Variants in KCNIP4 observed in about 807,000 individuals in gnomAD.
KCNIP4 encodes Kv channel-interacting protein 4.
KCNIP4 carries 12 observed loss-of-function variants against 34.0 expected under a neutral mutation model. The observed-to-expected ratio is 0.35, with a 90% CI of 0.23 to 0.57. The LOEUF (loss-of-function observed/expected upper bound fraction) is 0.57, where lower values mean the gene tolerates loss of function less well. Ranked by LOEUF, KCNIP4 falls within the 20% of genes least tolerant of loss-of-function variation. The pLI is 0.83. For missense variants in KCNIP4, 238 were observed against 311.7 expected, an observed-to-expected ratio of 0.76 and a Z score of 1.78; for synonymous variants, 124 against 102.2, an observed-to-expected ratio of 1.21 and a Z score of -1.29.
At chr4:21,769,818 T>A (rs1451608505) in intron 1 of KCNIP4, among the ~76,000 whole-genome samples, 1 of 152,152 alleles carries the variant, frequency 6.6e-6, no homozygotes, top group East Asian at 1.9e-4. Context: ...TTATAAATTC[T>A]GTTCGTCAAT....
At chr4:21,702,517 A>T (rs142224941) in intron 1 of KCNIP4, among the ~76,000 whole-genome samples, 1,986 of 152,298 alleles carry the variant, frequency 0.013, 47 homozygotes, top group African/African-American at 0.045. Context: ...AAAATTCCTT[A>T]AAAAATACAA....
intron 1 of KCNIP4, among the ~76,000 whole-genome samples, chr4:21,790,681 C>T (rs1720219450): frequency 6.6e-6 from 1 of 151,976 alleles, no homozygotes; most frequent in South Asian, 2.1e-4. Flanking sequence ...TCATAAAGTA[C>T]CTTTGCAATT....
At chr4:21,927,273 G>T (rs970219786) in intron 1 of KCNIP4, among the ~76,000 whole-genome samples, 2 of 152,104 alleles carry the variant, frequency 1.3e-5, no homozygotes, top group African/African-American at 4.8e-5. Context: ...TCCTTAACTT[G>T]ATTATATCTG....
intron 1 of KCNIP4, among the ~76,000 whole-genome samples, chr4:21,629,769 G>A (rs115890534): frequency 0.035 from 5,353 of 151,348 alleles, 305 homozygotes; most frequent in African/African-American, 0.12. Flanking sequence ...CACAGTGTAC[G>A]CTCTATTCTT....
At chr4:20,800,420 A>G (rs1414916829) in intron 3 of KCNIP4, among the ~76,000 whole-genome samples, 1 of 152,264 alleles carries the variant, frequency 6.6e-6, no homozygotes, top group Non-Finnish European at 1.5e-5. Flanking sequence ...ATAATTCTCC[A>G]GTAACTGACC....
intron 1 of KCNIP4, chr4:20,984,189 T>C (rs1051791744): frequency 6.6e-6 from 3 of 451,616 alleles, no homozygotes; most frequent in African/African-American, 4.0e-5. Flanking sequence ...CTCCACTCTA[T>C]GCTGCAGCCA....
At chr4:21,624,745 G>C (rs143192044) in intron 1 of KCNIP4, among the ~76,000 whole-genome samples, 1 of 152,242 alleles carries the variant, frequency 6.6e-6, no homozygotes, top group African/African-American at 2.4e-5. Flanking sequence ...GTTTCAACAA[G>C]TGAAGAGAAA....
chr4:20,788,465 CAGA>C (rs1712295279), intron 3 of KCNIP4, among the ~76,000 whole-genome samples: 1 of 152,070 alleles, frequency 6.6e-6, no homozygotes, highest in African/African-American at 2.4e-5. Flanking sequence ...CAGTTCATGG[CAGA>C]AGAAGAGCAG....
chr4:21,072,373 T>G (rs1745030809), intron 1 of KCNIP4, among the ~76,000 whole-genome samples: 1 of 152,206 alleles, frequency 6.6e-6, no homozygotes, highest in Admixed American at 6.5e-5. Flanking sequence ...TGGTTTTGAT[T>G]TGCATTTCTC....
At chr4:20,794,191 T>C (rs1713148941) in intron 3 of KCNIP4, among the ~76,000 whole-genome samples, 1 of 152,196 alleles carries the variant, frequency 6.6e-6, no homozygotes, top group African/African-American at 2.4e-5. Context: ...TATATCTTTA[T>C]CAGCAATGTG....
At chr4:20,901,083 C>T (rs939134652) in intron 1 of KCNIP4, among the ~76,000 whole-genome samples, 1 of 152,122 alleles carries the variant, frequency 6.6e-6, no homozygotes, top group African/African-American at 2.4e-5. Flanking sequence ...AGACATTGAG[C>T]TGAAGAAGTT....
At chr4:21,191,241 G>C (rs900141041) in intron 1 of KCNIP4, among the ~76,000 whole-genome samples, 2 of 152,116 alleles carry the variant, frequency 1.3e-5, no homozygotes, top group Non-Finnish European at 2.9e-5. Flanking sequence ...AAAGAACCTT[G>C]TGTATTTGAT....
intron 3 of KCNIP4, among the ~76,000 whole-genome samples, chr4:20,823,314 A>G (rs1717337394): frequency 6.6e-6 from 1 of 152,166 alleles, no homozygotes; most frequent in Non-Finnish European, 1.5e-5. Flanking sequence ...AATGCAAATG[A>G]AATAAAATTT....
chr4:21,037,724 A>G (rs1424302046), intron 1 of KCNIP4, among the ~76,000 whole-genome samples: 1 of 152,248 alleles, frequency 6.6e-6, no homozygotes, highest in Non-Finnish European at 1.5e-5. Context: ...TAAACAGTAA[A>G]TCAATCAAAT....
intron 1 of KCNIP4, among the ~76,000 whole-genome samples, chr4:21,573,233 G>T (rs1221846895): frequency 6.6e-6 from 1 of 152,112 alleles, no homozygotes; most frequent in Non-Finnish European, 1.5e-5. Flanking sequence ...GTCAGGCACA[G>T]TACCAGGAAC....
rs1414624471 is a variant in KCNIP4, at chr4:21,049,243, C to T, written c.62-166534G>A. Among the ~76,000 whole-genome samples the T allele has an allele frequency of 3.3e-5, 5 of 152,218 alleles. No individual in the cohort carries two copies. In the East Asian group the frequency reaches 9.7e-4, roughly 29 times the overall value. On this transcript the variant is annotated intron_variant, in intron 1 of 8. Transcript: ENST00000382152. ...GGGATTACAGGCGTGAGCCACCGCGCCCGGCCCAGTACCTTCTGTTTATCT... is the reference window on the plus strand; with the variant it reads ...GGGATTACAGGCGTGAGCCACCGCGTCCGGCCCAGTACCTTCTGTTTATCT...
intron 1 of KCNIP4, among the ~76,000 whole-genome samples, chr4:21,611,911 C>T (rs1264111756): frequency 1.3e-5 from 2 of 152,174 alleles, no homozygotes; most frequent in Admixed American, 1.3e-4. Flanking sequence ...ATCAGGATCA[C>T]TGTTTGCATT....
At chr4:21,437,714 T>C (rs1727069685) in intron 1 of KCNIP4, among the ~76,000 whole-genome samples, 1 of 152,230 alleles carries the variant, frequency 6.6e-6, no homozygotes, top group Non-Finnish European at 1.5e-5. Context: ...GCAGTGATAG[T>C]GTTCCTAAGC....
At chr4:21,029,010 T>A (rs900207259) in intron 1 of KCNIP4, among the ~76,000 whole-genome samples, 4 of 152,298 alleles carry the variant, frequency 2.6e-5, no homozygotes, top group African/African-American at 9.6e-5. Flanking sequence ...ATTCCTTTTG[T>A]CACAGTCTAA....
Sources: gnomAD v4.1 joint callset for allele counts (sites outside exome capture counted in the v4.1 genomes callset) on GRCh38, gnomAD v4.1.1 for gene constraint, MANE v1.5 for transcripts, NCBI Gene and HGNC (gene_info 2026-07-23, HGNC 2026-07-21) for gene names.